The following GLIS2 variants were observed in gnomAD, a reference collection of about 807,000 sequenced individuals.
GLIS2 encodes the protein zinc finger protein GLIS2.
A neutral mutation model predicts 35.6 loss-of-function variants in GLIS2; 14 were observed. The ratio of observed to expected loss-of-function variants is 0.39; its 90% CI spans 0.26 to 0.61. GLIS2 has a LOEUF of 0.61. Among genes scored for constraint, GLIS2 ranks in the 20% least tolerant of loss-of-function variants. The pLI, the probability that GLIS2 is intolerant of heterozygous loss-of-function variation, is 0.48. For missense variants in GLIS2, 675 were observed against 713.4 expected, an observed-to-expected ratio of 0.95 and a Z score of 0.61; for synonymous variants, 368 against 325.1, an observed-to-expected ratio of 1.13 and a Z score of -1.42.
intron 1 of GLIS2, among the ~76,000 whole-genome samples, chr16:4,321,048 T>C (rs1175595209): frequency 3.3e-5 from 5 of 151,952 alleles, no homozygotes; most frequent in African/African-American, 1.2e-4. Flanking sequence ...TCTTCCAGAG[T>C]AGGCGAGCAG....
In GLIS2 at chr16:4,335,201, G is replaced by C. The variant is rs1195668876; in HGVS notation, c.656+8G>C. ...CCGAGGTTTCAACGCCAGGTGAGGT[G>C]GGGGAGAGAGGGGTAGAGGGAGGAC... is the stretch of plus-strand genomic sequence containing the variant. On this transcript the variant is annotated splice_region_variant and intron_variant, in intron 5 of 6. Coordinates refer to ENST00000433375, the MANE Select transcript of GLIS2 (RefSeq NM_032575.3). The surrounding 1 kb of genome is among the most constrained non-coding windows in gnomAD (Gnocchi z 4.6). The C allele has an allele frequency of 1.4e-5, 23 of 1,613,502 alleles. No individual in the cohort carries two copies. Among genetic ancestry groups the C allele is most frequent in the South Asian group, 3.3e-5 (3 of 91,090 alleles).
chr16:4,337,662 G>C lies in GLIS2; in HGVS notation c.*138G>C. On this transcript the variant is annotated 3_prime_UTR_variant, in exon 7 of 7. Transcript: ENST00000433375. ...GCCCAGCCCGCCGGGAGCAAGGATG[G>C]TGCTAGGTCATTCATGGCTGGCCTC... 1 of 1,280,782 alleles carries C rather than the reference G, an allele frequency of 7.8e-7. No individual in the cohort carries two copies. The highest frequency in any genetic ancestry group is 1.1e-6 in the Non-Finnish European group (1 of 920,190). 79.3% of individuals were successfully genotyped at this position (1,280,782 alleles called of 1,614,324 possible). A position where few individuals can be genotyped will look rare whatever the true frequency, so the allele number is the denominator to read the frequency against.
chr16:4,331,465 G>C (rs1183445686), intron 1 of GLIS2: 2 of 152,294 alleles, frequency 1.3e-5, no homozygotes, highest in African/African-American at 4.8e-5. Context: ...GTAAATCTCT[G>C]TTCAAGGCTC....
chr16:4,315,516 C>T (rs2053296981), upstream of GLIS2: 1 of 152,076 alleles, frequency 6.6e-6, no homozygotes, highest in African/African-American at 2.4e-5. Flanking sequence ...CCTCCTCCAT[C>T]TTCCCGGTCT....
At position 4,332,554 on chromosome 16, in the gene GLIS2, C is replaced by T. The variant is rs2053509595; in HGVS notation, c.172+102C>T. Reference sequence around the variant, plus strand: ...ACCAGCATGTAGCTGCAGCCCCTCTCGGCTTCCGGTTCATGGGAAGCCCGC... The same window carrying T: ...ACCAGCATGTAGCTGCAGCCCCTCTTGGCTTCCGGTTCATGGGAAGCCCGC... On this transcript the variant is annotated intron_variant, in intron 2 of 6. Coordinates refer to ENST00000433375, the MANE Select transcript of GLIS2 (RefSeq NM_032575.3). The surrounding 1 kb of genome is among the most constrained non-coding windows in gnomAD (Gnocchi z 5.4). 5 of 1,372,064 alleles carry T rather than the reference C, an allele frequency of 3.6e-6. No homozygotes were observed. The highest frequency in any genetic ancestry group is 1.9e-5 in the Admixed American group (1 of 51,552). The allele number at this position is 1,372,064 out of a possible 1,614,324, so 85.0% of individuals were successfully genotyped here.
Position 4,333,624 on chromosome 16 carries a change from C to T in GLIS2, c.345+105C>T, listed in dbSNP as rs1307572186. On this transcript the variant is annotated intron_variant, in intron 3 of 6. Coordinates refer to ENST00000433375, the MANE Select transcript of GLIS2 (RefSeq NM_032575.3). ...TGGTTTAAAAAACAGATGTGTTACC[C>T]CTCATAATTCTGGAGGCTGGAGTCT... is the stretch of plus-strand genomic sequence containing the variant. 4 of 1,255,558 alleles carry T rather than the reference C, an allele frequency of 3.2e-6. No homozygotes were observed. In the African/African-American group the frequency reaches 6.0e-5, roughly 19 times the overall value. The allele number at this position is 1,255,558 out of a possible 1,614,324, so 77.8% of individuals were successfully genotyped here.
Position 4,337,467 on chromosome 16 carries a change from T to C in GLIS2, c.1518T>C (p.Pro506=), listed in dbSNP as rs2053569444. Reference sequence around the variant, plus strand: ...CCAGCAGCCCAGAGGCGTTGGCCCCTGGCTGGGTGGTCATCCCGCCGGGCT... The same window carrying C: ...CCAGCAGCCCAGAGGCGTTGGCCCCCGGCTGGGTGGTCATCCCGCCGGGCT... The part of the protein sequence containing the change: ...SAASSPEALA[P]GWVVIPPGSV... Residue 506 remains proline (P), a synonymous_variant, in exon 7 of 7, where the codon CCT becomes CCC. Coordinates refer to ENST00000433375, the MANE Select transcript of GLIS2 (RefSeq NM_032575.3). The C allele has an allele frequency of 1.7e-5, 26 of 1,575,700 alleles. No individual in the cohort carries two copies. Among genetic ancestry groups the C allele is most frequent in the Non-Finnish European group, 2.1e-5 (24 of 1,164,418 alleles).
intron 1 of GLIS2, among the ~76,000 whole-genome samples, chr16:4,319,832 G>A (rs187983806): frequency 4.5e-4 from 69 of 152,286 alleles, no homozygotes; most frequent in African/African-American, 1.3e-3. Context: ...GCCCCTGGGT[G>A]AGGCTGGGCA....
intron 1 of GLIS2, among the ~76,000 whole-genome samples, chr16:4,322,394 T>C (rs945632464): frequency 1.3e-5 from 2 of 152,110 alleles, no homozygotes; most frequent in Non-Finnish European, 2.9e-5. Flanking sequence ...GGCTTTGGGG[T>C]CTGCTGGCGA....
chr16:4,314,959 TC>T (rs2053291502), upstream of GLIS2: 1 of 152,046 alleles, frequency 6.6e-6, no homozygotes, highest in Non-Finnish European at 1.5e-5. Context: ...CAAAACACAC[TC>T]AAGAACGCGA....
intron 1 of GLIS2, among the ~76,000 whole-genome samples, chr16:4,319,313 G>T (rs934765785): frequency 5.3e-5 from 8 of 152,186 alleles, no homozygotes; most frequent in African/African-American, 1.4e-4. Flanking sequence ...GGGGTAGGGG[G>T]CATCCCCAGC....
upstream of GLIS2, chr16:4,314,778 G>A (rs537106680): frequency 6.6e-6 from 1 of 152,406 alleles, no homozygotes; most frequent in African/African-American, 2.4e-5. Context: ...TCACCTCTAG[G>A]GGATGCTGAT....
At chr16:4,322,604 A>G (rs73505269) in intron 1 of GLIS2, among the ~76,000 whole-genome samples, 9,416 of 149,440 alleles carry the variant, frequency 0.063, 1,052 homozygotes, top group African/African-American at 0.22. Context: ...ATCTGTGCCC[A>G]ACCCCCTGCA....
At chr16:4,322,367 G>T (rs759310101) in intron 1 of GLIS2, among the ~76,000 whole-genome samples, 53 of 152,188 alleles carry the variant, frequency 3.5e-4, no homozygotes, top group Non-Finnish European at 6.9e-4. Flanking sequence ...CATAGCCTCT[G>T]GTCCTCTGTG....
In GLIS2 at chr16:4,336,901, G is replaced by A. The variant is rs758346698; in HGVS notation, c.952G>A (p.Gly318Ser). 35 of 1,613,044 alleles carry A rather than the reference G, an allele frequency of 2.2e-5. No homozygotes were observed. The highest frequency in any genetic ancestry group is 2.7e-5 in the Non-Finnish European group (32 of 1,180,016). The change falls in exon 7 of 7, where the codon GGC becomes AGC. Residue 318 changes from glycine (G) to serine (S), a missense_variant. Around this residue, in one of 3 missense-constraint regions of GLIS2, gnomAD observed 317 missense variants for 283.2 expected, o/e 1.12. Transcript: ENST00000433375. ...ACTGCGCAAGCACATCAAGGCCCAT[G>A]GCCACTTTGTGTCCCACGAGCAGCA... The part of the protein sequence containing the change: ...SSLRKHIKAH[G>S]HFVSHEQQEL...
intron 1 of GLIS2, among the ~76,000 whole-genome samples, chr16:4,327,678 C>T: frequency 6.6e-6 from 1 of 151,654 alleles, no homozygotes; most frequent in East Asian, 2.0e-4. Context: ...GCCCGCCCAG[C>T]CCACCCTCCG....
intron 2 of GLIS2, 49 bp from the exon 3 acceptor site, chr16:4,333,298 C>CA (rs2053516535): frequency 6.2e-7 from 1 of 1,607,164 alleles, no homozygotes; most frequent in Non-Finnish European, 8.5e-7. Flanking sequence ...GTACCTGGCC[C>CA]ACTGGGACTC....
At chr16:4,336,427 G>A (rs1442427689) in intron 6 of GLIS2, 11 of 570,866 alleles carry the variant, frequency 1.9e-5, no homozygotes, top group Middle Eastern at 4.7e-4. Context: ...AATTACAGGC[G>A]TGAGCCACCG....
intron 1 of GLIS2, among the ~76,000 whole-genome samples, chr16:4,324,261 C>T (rs187090016): frequency 1.2e-3 from 185 of 152,288 alleles, no homozygotes; most frequent in South Asian, 2.9e-3. Flanking sequence ...GGAAGTGCCG[C>T]CTGCCCTGGC....
Sources: allele counts gnomAD v4.1 joint callset (sites outside exome capture counted in the v4.1 genomes callset), GRCh38; gene constraint gnomAD v4.1.1; regional missense constraint gnomAD v4.1.1; non-coding constraint Gnocchi (gnomAD v3.1); transcripts MANE v1.5; gene names NCBI Gene and HGNC (gene_info 2026-07-23, HGNC 2026-07-21).